Variants in CNBD1 observed in about 807,000 individuals in gnomAD.
CNBD1 encodes the protein cyclic nucleotide-binding domain-containing protein 1.
CNBD1 carries 71 observed loss-of-function variants against 54.4 expected under a neutral mutation model. That is an observed-to-expected ratio of 1.30 (90% confidence interval 1.08 to 1.59). The LOEUF is 1.59. CNBD1 is among the 40% of genes most tolerant of loss of function. CNBD1 has a pLI of 0.00. For missense variants in CNBD1, 659 were observed against 518.0 expected (o/e 1.27, Z -2.64); for synonymous variants, 182 against 170.7 (o/e 1.07, Z -0.51).
intron 9 of CNBD1, 39 bp downstream of exon 9, chr8:87,351,833 T>C (rs1810303366): frequency 7.1e-7 from 1 of 1,401,442 alleles, no homozygotes; most frequent in African/African-American, 1.5e-5. Context: ...TCAATTAATC[T>C]ACTCTAAAGA....
At chr8:87,148,497 C>T (rs905425546) in intron 4 of CNBD1, among the ~76,000 whole-genome samples, 5 of 152,094 alleles carry the variant, frequency 3.3e-5, no homozygotes, top group African/African-American at 9.7e-5. Context: ...ACTTTTCTGG[C>T]AAGATATAAC....
At chr8:87,107,527 C>T (rs1811567412) in intron 4 of CNBD1, among the ~76,000 whole-genome samples, 2 of 152,174 alleles carry the variant, frequency 1.3e-5, no homozygotes, top group African/African-American at 4.8e-5. Context: ...TTTCAACATC[C>T]TTTGTTTCTT....
At chr8:87,418,423 A>T (rs1030283456) in intron 2 of CNBD1, among the ~76,000 whole-genome samples, 2 of 151,992 alleles carry the variant, frequency 1.3e-5, no homozygotes, top group Non-Finnish European at 2.9e-5. Flanking sequence ...GGAAGCATAG[A>T]TGTAAATGTT....
intron 2 of CNBD1, among the ~76,000 whole-genome samples, chr8:87,394,245 G>A (rs77622821): frequency 0.019 from 2,869 of 151,876 alleles, 92 homozygotes; most frequent in African/African-American, 0.062. Context: ...TCCTAACAAT[G>A]CAAAGCGTTG....
chr8:87,277,324 A>T (rs191029226), intron 6 of CNBD1, among the ~76,000 whole-genome samples: 15 of 151,778 alleles, frequency 9.9e-5, no homozygotes, highest in African/African-American at 3.4e-4. Context: ...AACTTTTTGG[A>T]TAAGACCCAC....
intron 7 of CNBD1, 124 bp downstream of exon 7, chr8:87,284,939 C>A: frequency 2.9e-6 from 2 of 680,042 alleles, no homozygotes; most frequent in Non-Finnish European, 4.5e-6. Flanking sequence ...ACCTAGAGAC[C>A]ATAAAAATGT....
chr8:87,403,956 C>G (rs1390285022), intron 2 of CNBD1, among the ~76,000 whole-genome samples: 2 of 151,986 alleles, frequency 1.3e-5, no homozygotes, highest in African/African-American at 4.8e-5. Flanking sequence ...AGTAAATAAC[C>G]ATGATTTATT....
intron 4 of CNBD1, among the ~76,000 whole-genome samples, chr8:87,170,838 C>G (rs1813069994): frequency 6.6e-6 from 1 of 152,106 alleles, no homozygotes. Context: ...ATATGTTTAA[C>G]CATTCTTGCA....
intron 2 of CNBD1, among the ~76,000 whole-genome samples, chr8:87,401,097 G>A (rs1288898206): frequency 6.6e-6 from 1 of 151,902 alleles, no homozygotes; most frequent in Non-Finnish European, 1.5e-5. Flanking sequence ...CTTGCAGTGA[G>A]GCAACAAAAA....
chr8:87,147,847 T>C (rs1355158640), intron 4 of CNBD1, among the ~76,000 whole-genome samples: 1 of 152,160 alleles, frequency 6.6e-6, no homozygotes, highest in Non-Finnish European at 1.5e-5. Flanking sequence ...TGGGTTGTGG[T>C]TTTAAAGCTA....
At chr8:87,368,707 C>T (rs1810696082) in intron 10 of CNBD1, among the ~76,000 whole-genome samples, 1 of 151,860 alleles carries the variant, frequency 6.6e-6, no homozygotes, top group Non-Finnish European at 1.5e-5. Flanking sequence ...CTTCTATTAG[C>T]CAAAAGAGGG....
At chr8:87,140,424 A>G (rs1231361039) in intron 4 of CNBD1, among the ~76,000 whole-genome samples, 3 of 152,148 alleles carry the variant, frequency 2.0e-5, no homozygotes, top group South Asian at 2.1e-4. Flanking sequence ...TACTTCCTCA[A>G]ACATAACCTT....
chr8:87,033,214 C>T (rs2336869), intron 4 of CNBD1, among the ~76,000 whole-genome samples: 98,466 of 151,936 alleles, frequency 0.65, 32,226 homozygotes, highest in Admixed American at 0.71. Flanking sequence ...CAATTTCTTA[C>T]GCAGAGTACC....
At chr8:86,941,252 A>G (rs1259397377) in intron 4 of CNBD1, among the ~76,000 whole-genome samples, 4 of 152,354 alleles carry the variant, frequency 2.6e-5, no homozygotes, top group Admixed American at 6.5e-5. Context: ...GAAGAGTAAA[A>G]TTAAACTTGT....
intron 4 of CNBD1, among the ~76,000 whole-genome samples, chr8:87,030,542 C>G (rs538904692): frequency 6.6e-6 from 1 of 152,172 alleles, no homozygotes; most frequent in African/African-American, 2.4e-5. Flanking sequence ...TCCTTTTGCT[C>G]TTTTTTTAAT....
chr8:87,177,266 T>C (rs1256343047), intron 4 of CNBD1, among the ~76,000 whole-genome samples: 3 of 152,166 alleles, frequency 2.0e-5, no homozygotes, highest in African/African-American at 7.2e-5. Context: ...GAAATCATCA[T>C]GATCCAATTG....
intron 2 of CNBD1, among the ~76,000 whole-genome samples, chr8:87,414,837 G>C (rs184216517): frequency 6.6e-6 from 1 of 152,086 alleles, no homozygotes; most frequent in East Asian, 1.9e-4. Flanking sequence ...TATTTTGCAA[G>C]CTGCTTGAGG....
In CNBD1 at chr8:87,160,257, T is replaced by G. The variant is rs531252974; in HGVS notation, c.432-45736T>G. Among the ~76,000 whole-genome samples, 70 of 152,018 alleles carry G rather than the reference T, an allele frequency of 4.6e-4. 1 individual carries two copies. The highest frequency in any genetic ancestry group is 7.1e-4 in the Non-Finnish European group (48 of 67,980). ...TTTATTTTTAAAAACTATATTTTTC[T>G]GAAATATGTTATAAAATATGTTAAA... On this transcript the variant is annotated intron_variant, in intron 4 of 10. Transcript: ENST00000518476.
intron 3 of CNBD1, among the ~76,000 whole-genome samples, chr8:86,913,024 C>T (rs1413096533): frequency 6.6e-6 from 1 of 152,116 alleles, no homozygotes; most frequent in African/African-American, 2.4e-5. Context: ...TATTTTTGTA[C>T]AGCTGTACAA....
Sources: gnomAD v4.1 joint callset for allele counts (sites outside exome capture counted in the v4.1 genomes callset) on GRCh38, gnomAD v4.1.1 for gene constraint, MANE v1.5 for transcripts, NCBI Gene and HGNC (gene_info 2026-07-23, HGNC 2026-07-21) for gene names.